The following PIK3CA variants were observed in gnomAD, a reference collection of about 807,000 sequenced individuals.
The protein encoded by PIK3CA is phosphatidylinositol-4,5-bisphosphate 3-kinase catalytic subunit alpha.
A neutral mutation model predicts 138.2 loss-of-function variants in PIK3CA; 27 were observed. The ratio of observed to expected loss-of-function variants is 0.20; its 90% confidence interval spans 0.14 to 0.27. PIK3CA has a LOEUF of 0.27. Among genes scored for constraint, PIK3CA ranks in the 10% least tolerant of loss-of-function variants. PIK3CA has a pLI of 1.00. For synonymous variants in PIK3CA, 358 were observed against 413.2 expected, an observed-to-expected ratio of 0.87 and a Z score of 1.62; for missense variants, 544 against 1,277.4, an observed-to-expected ratio of 0.43 and a Z score of 8.75.
At chr3:179,176,579 A>G (rs995862993) in intron 1 of PIK3CA, among the ~76,000 whole-genome samples, 7 of 152,046 alleles carry the variant, frequency 4.6e-5, no homozygotes, top group African/African-American at 9.7e-5. Flanking sequence ...TTTATAAACT[A>G]TTTTGCAGCT....
intron 1 of PIK3CA, among the ~76,000 whole-genome samples, chr3:179,185,000 T>C (rs1028229919): frequency 3.3e-5 from 5 of 152,148 alleles, no homozygotes; most frequent in African/African-American, 1.2e-4. Flanking sequence ...CCCCATGATA[T>C]AAGGAAATAA....
chr3:179,174,610 A>G (rs1329747371), intron 1 of PIK3CA, among the ~76,000 whole-genome samples: 1 of 152,202 alleles, frequency 6.6e-6, no homozygotes, highest in East Asian at 1.9e-4. Flanking sequence ...TTGCCACCTT[A>G]TAATAATGGG....
At chr3:179,215,842 T>C (rs1724824330) in intron 9 of PIK3CA, among the ~76,000 whole-genome samples, 1 of 152,164 alleles carries the variant, frequency 6.6e-6, no homozygotes, top group Admixed American at 6.5e-5. Context: ...ATAATATGAA[T>C]GTAGATAGAT....
At chr3:179,161,231 G>T (rs1054831846) in intron 1 of PIK3CA, among the ~76,000 whole-genome samples, 1 of 152,206 alleles carries the variant, frequency 6.6e-6, no homozygotes, top group African/African-American at 2.4e-5. Context: ...GGAGGTGAAA[G>T]TAACACATAG....
Position 179,163,899 on chromosome 3 carries a change from G to C in PIK3CA, c.-77+15296G>C, listed in dbSNP as rs530832651. ...TTATTTCCATTGACAGTCTGAATTG[G>C]TTTAACCCTTTCGAAAAGCACGTGA... On this transcript the variant is annotated intron_variant, in intron 1 of 20. Coordinates refer to ENST00000263967, the MANE Select transcript of PIK3CA (RefSeq NM_006218.4). Among the ~76,000 whole-genome samples the C allele has an allele frequency of 2.0e-5, 3 of 152,084 alleles. No homozygotes were observed. In the South Asian group the frequency reaches 6.2e-4, roughly 32 times the overall value.
chr3:179,204,476 T>C (rs201374205), intron 5 of PIK3CA, 27 bp from the exon 6 acceptor site: 41 of 1,055,884 alleles, frequency 3.9e-5, no homozygotes, highest in Non-Finnish European at 5.3e-5. Context: ...GTGTATACAT[T>C]AGTATATACC....
rs111342412 is a variant in PIK3CA at position 179,238,088 on chromosome 3, T to G, written c.*3724T>G. 2.3e-3 allele frequency: 521 copies of G among 225,034 alleles called. 4 individuals are homozygous for G. The highest frequency in any genetic ancestry group is 0.013 in the South Asian group (69 of 5,428). The allele number at this position is 225,034 out of a possible 1,614,324, so 13.9% of individuals were successfully genotyped here. The stretch of plus-strand genomic sequence containing the variant: ...GGGGAGGGGGCAGAACAGGGAGGAG[T>G]TGTTTGAATGAATTACATTCTTTAT... On this transcript the variant is annotated 3_prime_UTR_variant, in exon 21 of 21. Coordinates refer to ENST00000263967, the MANE Select transcript of PIK3CA (RefSeq NM_006218.4).
intron 1 of PIK3CA, among the ~76,000 whole-genome samples, chr3:179,166,397 C>G (rs1576916571): frequency 6.6e-6 from 1 of 152,286 alleles, no homozygotes; most frequent in African/African-American, 2.4e-5. Context: ...ATAAAGCTCA[C>G]ATATTAGTTT....
At position 179,148,499 on chromosome 3, in the gene PIK3CA, CG is replaced by C; in HGVS notation, c.-176del. 6.6e-6 allele frequency: 1 copy of C among 151,112 alleles called. No homozygotes were observed. The highest frequency in any genetic ancestry group is 2.1e-4 in the South Asian group (1 of 4,864). 9.4% of individuals were successfully genotyped at this position (151,112 alleles called of 1,614,324 possible). On this transcript the variant is annotated 5_prime_UTR_variant, in exon 1 of 21. Transcript: ENST00000263967. ...GCGGCGGGGGAGAGGGGCCGGGAGG[CG>C]GGGGCCGTGCCGCCCGCTCTCCTCT...
chr3:179,216,837 T>C (rs1724846672), intron 9 of PIK3CA, among the ~76,000 whole-genome samples: 1 of 152,134 alleles, frequency 6.6e-6, no homozygotes, highest in South Asian at 2.1e-4. Flanking sequence ...AATAAGTAAA[T>C]AAACAGTAGC....
intron 4 of PIK3CA, among the ~76,000 whole-genome samples, chr3:179,201,810 G>A (rs1013122833): frequency 2.0e-5 from 3 of 151,836 alleles, no homozygotes; most frequent in Middle Eastern, 3.2e-3. Flanking sequence ...TTTGCACCAT[G>A]TTATCTAGGA....
chr3:179,152,031 T>G (rs1324876336), intron 1 of PIK3CA, among the ~76,000 whole-genome samples: 2 of 152,218 alleles, frequency 1.3e-5, no homozygotes, highest in African/African-American at 4.8e-5. Context: ...CAGTAGCCTG[T>G]ACATTACAGC....
At chr3:179,160,174 A>G (rs569421949) in intron 1 of PIK3CA, among the ~76,000 whole-genome samples, 1 of 152,310 alleles carries the variant, frequency 6.6e-6, no homozygotes, top group South Asian at 2.1e-4. Context: ...GACAGCTATG[A>G]TGTCACTAAA....
intron 1 of PIK3CA, among the ~76,000 whole-genome samples, chr3:179,193,504 A>T (rs1724188009): frequency 6.6e-6 from 1 of 152,236 alleles, no homozygotes; most frequent in Non-Finnish European, 1.5e-5. Context: ...TAGGACCAGA[A>T]ATGTACCCCC....
chr3:179,222,659 T>A (rs1023975951), intron 14 of PIK3CA, among the ~76,000 whole-genome samples: 1 of 152,220 alleles, frequency 6.6e-6, no homozygotes, highest in African/African-American at 2.4e-5. Context: ...TTTACCCTCA[T>A]GACTGCATGG....
intron 1 of PIK3CA, among the ~76,000 whole-genome samples, chr3:179,151,139 C>G (rs1004725553): frequency 2.2e-4 from 33 of 152,318 alleles, no homozygotes; most frequent in African/African-American, 7.7e-4. Flanking sequence ...CTTAGAATAT[C>G]ATGGTTTACA....
chr3:179,233,055 C>T (rs1453814114), intron 20 of PIK3CA, among the ~76,000 whole-genome samples: 2 of 151,994 alleles, frequency 1.3e-5, no homozygotes, highest in African/African-American at 4.8e-5. Flanking sequence ...GATGGGGTTT[C>T]ACTTTGTTGG....
chr3:179,186,364 G>C (rs1723982653), intron 1 of PIK3CA, among the ~76,000 whole-genome samples: 1 of 152,166 alleles, frequency 6.6e-6, no homozygotes, highest in Non-Finnish European at 1.5e-5. Flanking sequence ...TATTTTATAA[G>C]TCAGCCAAGT....
chr3:179,198,001 C>T (rs185046870), intron 1 of PIK3CA, among the ~76,000 whole-genome samples: 82 of 151,504 alleles, frequency 5.4e-4, no homozygotes, highest in Admixed American at 4.1e-3. Flanking sequence ...AGATTCATTT[C>T]AGTCAGAAGT....
Sources: gnomAD v4.1 joint callset for allele counts (sites outside exome capture counted in the v4.1 genomes callset) on GRCh38, gnomAD v4.1.1 for gene constraint, MANE v1.5 for transcripts, NCBI Gene and HGNC (gene_info 2026-07-23, HGNC 2026-07-21) for gene names.